The following CDK12 variants were observed in gnomAD, a reference collection of about 807,000 sequenced individuals.
The protein encoded by CDK12 is cyclin-dependent kinase 12.
A neutral mutation model predicts 133.8 loss-of-function variants in CDK12; 17 were observed. The observed-to-expected ratio is 0.13, with a 90% CI of 0.09 to 0.19. CDK12 has a LOEUF of 0.19. CDK12 is among the 10% of genes least tolerant of loss of function. The pLI, the probability that CDK12 is intolerant of heterozygous loss-of-function variation, is 1.00. For synonymous variants in CDK12, 694 were observed against 683.6 expected (o/e 1.02, Z -0.24); for missense variants, 1,508 against 1,818.7 (o/e 0.83, Z 3.11).
rs140624542 is a variant in CDK12, at chr17:39,539,868, C to A, written c.451-4381C>A. 2.2e-3 allele frequency among the ~76,000 whole-genome samples: 335 copies of A among 152,198 alleles called. 1 individual carries two copies. The highest frequency in any genetic ancestry group is 7.8e-3 in the African/African-American group (323 of 41,528). On this transcript the variant is annotated intron_variant and NMD_transcript_variant, in intron 1 of 4. Coordinates refer to the CDK12 transcript ENST00000559663. ...GTGGGAGGAATCTCATGGAAGAGGG[C>A]TCATGTATGTTTTGTGCAGAGGCTG...
chr17:39,560,054 C>G (rs527258601), intron 3 of CDK12, among the ~76,000 whole-genome samples: 1 of 152,158 alleles, frequency 6.6e-6, no homozygotes, highest in Non-Finnish European at 1.5e-5. Context: ...GCCTTAGACT[C>G]TCAAGTTGCT....
intron 1 of CDK12, among the ~76,000 whole-genome samples, chr17:39,466,615 GAAAAAAAAAAAAAAAAAAAAAAAAAAAA>G (rs71147339): frequency 9.5e-5 from 3 of 31,482 alleles, no homozygotes; most frequent in Admixed American, 5.8e-4. Flanking sequence ...AACTCTATCT[GAAAAAAAAAAAAAAAAAAAAAAAAAAAA>G]AAAAAAAAAA....
Position 39,517,470 on chromosome 17 carries a change from G to A in CDK12, c.2877G>A (p.Val959=), listed in dbSNP as rs1195953940. Residue 959 remains valine (V), a synonymous_variant, in exon 10 of 14, where the codon GTG becomes GTA. Coordinates refer to ENST00000447079, the MANE Select transcript of CDK12 (RefSeq NM_016507.4). ...TTTGTGGTAGCCCTTGTCCAGCTGT[G>A]TGGCCTGATGTTATCAAACTGCCCT... ...SRLCGSPCPA[V]WPDVIKLPYF... is the part of the protein sequence containing the mutation. 3 of 1,613,300 alleles carry A rather than the reference G, an allele frequency of 1.9e-6. No individual in the cohort carries two copies. The East Asian group carries it at 6.7e-5, about 36-fold the overall frequency.
chr17:39,520,486 G>A (rs1598153687), intron 11 of CDK12, among the ~76,000 whole-genome samples: 1 of 152,098 alleles, frequency 6.6e-6, no homozygotes, highest in South Asian at 2.1e-4. Flanking sequence ...CCTCTGCAGG[G>A]TTCAAGCGAT....
chr17:39,474,727 A>G (rs2050051354), intron 2 of CDK12, among the ~76,000 whole-genome samples: 1 of 151,962 alleles, frequency 6.6e-6, no homozygotes, highest in South Asian at 2.1e-4. Flanking sequence ...GAAAGGGGGA[A>G]AAAAACTATT....
downstream of CDK12, among the ~76,000 whole-genome samples, chr17:39,538,955 A>ACAT (rs1411677461): frequency 1.3e-5 from 2 of 150,056 alleles, no homozygotes; most frequent in African/African-American, 5.1e-5. Flanking sequence ...ATACATACAT[A>ACAT]AGGCTAGTAT....
intron 1 of CDK12, among the ~76,000 whole-genome samples, chr17:39,464,301 G>A (rs1486996258): frequency 6.6e-6 from 1 of 151,728 alleles, no homozygotes; most frequent in Non-Finnish European, 1.5e-5. Flanking sequence ...GCTCACTGCA[G>A]CCTTGACTTC....
At chr17:39,541,904 G>A (rs931271230) in intron 1 of CDK12, among the ~76,000 whole-genome samples, 2 of 152,212 alleles carry the variant, frequency 1.3e-5, no homozygotes, top group African/African-American at 4.8e-5. Flanking sequence ...GCAGGAAACT[G>A]AGGCTTAAGG....
At chr17:39,524,567 C>T in intron 11 of CDK12, 107 bp from the exon 12 acceptor site, 1 of 973,496 alleles carries the variant, frequency 1.0e-6, no homozygotes, top group Non-Finnish European at 1.5e-6. Flanking sequence ...TTTCCTTATT[C>T]TTTACATTTC....
chr17:39,549,916 C>T (rs1234598815), upstream of CDK12: 1 of 152,210 alleles, frequency 6.6e-6, no homozygotes, highest in Non-Finnish European at 1.5e-5. Context: ...GCACATGCTA[C>T]CCTGGCAGAG....
At position 39,541,915 on chromosome 17, in the gene CDK12, A is replaced by G. The variant is rs187405791; in HGVS notation, c.451-2334A>G. On this transcript the variant is annotated intron_variant and NMD_transcript_variant, in intron 1 of 4. Transcript: ENST00000559663. Reference sequence around the variant, plus strand: ...CAGAGCAGGAAACTGAGGCTTAAGGAAGGAAAGTGCCTTGCCCACGCAGTC... The same window carrying G: ...CAGAGCAGGAAACTGAGGCTTAAGGGAGGAAAGTGCCTTGCCCACGCAGTC... Among the ~76,000 whole-genome samples, 6 of 152,334 alleles carry G rather than the reference A, an allele frequency of 3.9e-5. No homozygotes were observed. In the East Asian group the frequency reaches 1.2e-3, roughly 29 times the overall value.
chr17:39,530,983 G>A lies in CDK12; in HGVS notation c.4140G>A (p.Leu1380=). The change falls in exon 14 of 14, where the codon CTG becomes CTA. Residue 1380 remains leucine (L), a synonymous_variant. Coordinates refer to ENST00000447079, the MANE Select transcript of CDK12 (RefSeq NM_016507.4). ...AGAACAGGACCTTCTCAGGCTCTCT[G>A]AGCCACCTTGGGGAGTCCAGCAGTT... ...LVKNRTFSGS[L]SHLGESSSYQ... 1 of 1,614,214 alleles carries A rather than the reference G, an allele frequency of 6.2e-7. No individual in the cohort carries two copies. The highest frequency in any genetic ancestry group is 8.5e-7 in the Non-Finnish European group (1 of 1,180,036).
intron 2 of CDK12, among the ~76,000 whole-genome samples, chr17:39,483,480 A>G (rs554985377): frequency 3.3e-5 from 5 of 151,986 alleles, no homozygotes; most frequent in East Asian, 1.9e-4. Context: ...TGTCCAGGGT[A>G]GTAGAACTCC....
rs1363281866 is a variant in CDK12 at position 39,520,858 on chromosome 17, G to GT, written c.3095+777dup. ...TTGTATTTTTGTTTCATTTTGTTTT[G>GT]TTTTTTGAGATGGAGTTTCGCTCTT... is the stretch of plus-strand genomic sequence containing the variant. On this transcript the variant is annotated intron_variant, in intron 11 of 13. Transcript: ENST00000447079. Among the ~76,000 whole-genome samples the GT allele has an allele frequency of 3.9e-5, 6 of 151,918 alleles. No individual in the cohort carries two copies. The South Asian group carries it at 1.0e-3, about 26-fold the overall frequency.
At chr17:39,504,930 G>T (rs781479338) in intron 6 of CDK12, among the ~76,000 whole-genome samples, 2 of 135,046 alleles carry the variant, frequency 1.5e-5, no homozygotes, top group African/African-American at 5.3e-5. Flanking sequence ...TATAAAAAGG[G>T]AGCAGTTGAA....
chr17:39,522,346 G>A (rs1053679108), intron 11 of CDK12, among the ~76,000 whole-genome samples: 7 of 151,300 alleles, frequency 4.6e-5, no homozygotes, highest in East Asian at 3.9e-4. Flanking sequence ...CTCGGCCTCC[G>A]AAAGTGCTGG....
intron 2 of CDK12, among the ~76,000 whole-genome samples, chr17:39,555,762 G>A (rs1320276011): frequency 6.6e-6 from 1 of 151,526 alleles, no homozygotes; most frequent in Non-Finnish European, 1.5e-5. Context: ...GGGAGGCCGA[G>A]ATGGGTGGAT....
chr17:39,461,958 C>A lies in CDK12; in HGVS notation c.-114C>A. Reference sequence around the variant, plus strand: ...TGGGCTACCGTCCCTGCCCTCCCCACCCCCTTCCCGGGGCGCTTTGGTGGG... The same window carrying A: ...TGGGCTACCGTCCCTGCCCTCCCCAACCCCTTCCCGGGGCGCTTTGGTGGG... On this transcript the variant is annotated 5_prime_UTR_variant, in exon 1 of 14. Coordinates refer to ENST00000447079, the MANE Select transcript of CDK12 (RefSeq NM_016507.4). The A allele has an allele frequency of 1.2e-6, 1 of 822,222 alleles. No homozygotes were observed. Among genetic ancestry groups the A allele is most frequent in the Non-Finnish European group, 1.9e-6 (1 of 522,694 alleles). The allele number at this position is 822,222 out of a possible 1,614,324, so 50.9% of individuals were successfully genotyped here. A position where few individuals can be genotyped will look rare whatever the true frequency, so the allele number is the denominator to read the frequency against.
intron 2 of CDK12, among the ~76,000 whole-genome samples, chr17:39,481,690 C>T (rs1456012644): frequency 8.7e-5 from 1 of 11,430 alleles, no homozygotes; most frequent in African/African-American, 1.8e-4. Context: ...CTCTCTCTCT[C>T]TCTCTCTCTC....
Sources: allele counts gnomAD v4.1 joint callset (sites outside exome capture counted in the v4.1 genomes callset), GRCh38; gene constraint gnomAD v4.1.1; transcripts MANE v1.5; gene names NCBI Gene and HGNC (gene_info 2026-07-23, HGNC 2026-07-21).